Variants in ADCYAP1R1 observed in about 807,000 individuals in gnomAD.
ADCYAP1R1 encodes ADCYAP receptor type I.
In ADCYAP1R1, 44 loss-of-function variants were observed where a neutral mutation model predicts 67.6. The observed-to-expected ratio is 0.65, with a 90% CI of 0.51 to 0.84. ADCYAP1R1 has a LOEUF of 0.84. Ranked by LOEUF, ADCYAP1R1 falls within the 40% of genes least tolerant of loss-of-function variation. ADCYAP1R1 has a pLI of 0.00. For missense variants in ADCYAP1R1, 477 were observed against 587.9 expected, an observed-to-expected ratio of 0.81 and a Z score of 1.95; for synonymous variants, 222 against 219.6, an observed-to-expected ratio of 1.01 and a Z score of -0.10.
At chr7:31,064,519 C>G (rs907096383) in intron 2 of ADCYAP1R1, among the ~76,000 whole-genome samples, 5 of 152,212 alleles carry the variant, frequency 3.3e-5, no homozygotes, top group African/African-American at 1.2e-4. Flanking sequence ...ACATATGACA[C>G]TCAGAATAAT....
intron 4 of ADCYAP1R1, among the ~76,000 whole-genome samples, chr7:31,078,956 A>G (rs959026493): frequency 6.6e-6 from 1 of 152,152 alleles, no homozygotes; most frequent in African/African-American, 2.4e-5. Context: ...GAGGTCTCTG[A>G]GGGCCACTGA....
Position 31,104,925 on chromosome 7 carries a change from T to G in ADCYAP1R1, c.1218+16T>G. 1 of 1,614,058 alleles carries G rather than the reference T, an allele frequency of 6.2e-7. No homozygotes were observed. The highest frequency in any genetic ancestry group is 8.5e-7 in the Non-Finnish European group (1 of 1,179,910). On this transcript the variant is annotated intron_variant, in intron 15 of 15. Coordinates refer to ENST00000304166, the MANE Select transcript of ADCYAP1R1 (RefSeq NM_001118.5). Reference sequence around the variant, plus strand: ...GAATGGTGAGGTAAGACCTTGGCCCTCTGGCTTCTTGGCAGTGGAAGTGGG... The same window carrying G: ...GAATGGTGAGGTAAGACCTTGGCCCGCTGGCTTCTTGGCAGTGGAAGTGGG...
At chr7:31,065,008 T>C (rs1645409230) in intron 3 of ADCYAP1R1, 72 bp downstream of exon 3, 5 of 1,212,252 alleles carry the variant, frequency 4.1e-6, no homozygotes, top group Middle Eastern at 2.4e-4. Flanking sequence ...GTGCTCAGGC[T>C]CGGCCAGTGA....
At chr7:31,085,533 A>G in intron 9 of ADCYAP1R1, 91 bp downstream of exon 9, 2 of 1,427,030 alleles carry the variant, frequency 1.4e-6, no homozygotes, top group African/African-American at 2.8e-5. Context: ...CCTGCCTGAC[A>G]CCCTGCAGAT....
At chr7:31,083,175 G>C (rs539939224) in intron 6 of ADCYAP1R1, among the ~76,000 whole-genome samples, 1 of 152,244 alleles carries the variant, frequency 6.6e-6, no homozygotes, top group Non-Finnish European at 1.5e-5. Context: ...CTGATAGACC[G>C]GGTACGCTCC....
chr7:31,057,750 C>T (rs1461658812), intron 1 of ADCYAP1R1, among the ~76,000 whole-genome samples: 1 of 152,202 alleles, frequency 6.6e-6, no homozygotes, highest in East Asian at 1.9e-4. Flanking sequence ...TTTCAGCCTT[C>T]TGTCCCTTGT....
At chr7:31,088,013 G>T (rs1795824572) in intron 12 of ADCYAP1R1, among the ~76,000 whole-genome samples, 1 of 152,208 alleles carries the variant, frequency 6.6e-6, no homozygotes, top group Non-Finnish European at 1.5e-5. Context: ...TAAAATTTCA[G>T]ATCCCAAATT....
intron 3 of ADCYAP1R1, among the ~76,000 whole-genome samples, chr7:31,068,795 C>T (rs1212046722): frequency 6.6e-6 from 1 of 152,132 alleles, no homozygotes; most frequent in Non-Finnish European, 1.5e-5. Context: ...TTGGGGGACT[C>T]CCCTCAAGGG....
intron 1 of ADCYAP1R1, among the ~76,000 whole-genome samples, chr7:31,054,550 T>C (rs978995124): frequency 5.9e-5 from 9 of 152,188 alleles, no homozygotes; most frequent in African/African-American, 1.9e-4. Flanking sequence ...TGGGAGTTTA[T>C]AGTATATGTG....
intron 1 of ADCYAP1R1, among the ~76,000 whole-genome samples, chr7:31,060,869 A>G (rs1470591864): frequency 2.6e-5 from 4 of 152,210 alleles, no homozygotes; most frequent in Non-Finnish European, 5.9e-5. Flanking sequence ...AGGTTAAAAT[A>G]GAGGCTTTAT....
intron 9 of ADCYAP1R1, 109 bp downstream of exon 9, chr7:31,085,551 G>A: frequency 7.7e-7 from 1 of 1,293,380 alleles, no homozygotes; most frequent in East Asian, 2.5e-5. Context: ...GATCAAGTGT[G>A]TCCCTGCAGG....
rs1031525052 is a variant in ADCYAP1R1 at position 31,107,889 on chromosome 7, C to T, written c.*1205C>T. ...GGGTGTCGGGAGAAGCCACACCCAA[C>T]ATGCCCATTAGCAGAGGCTGCTGCT... On this transcript the variant is annotated 3_prime_UTR_variant, in exon 16 of 16. Transcript: ENST00000304166. 1 of 152,280 alleles carries T rather than the reference C, an allele frequency of 6.6e-6. No homozygotes were observed. Among genetic ancestry groups the T allele is most frequent in the African/African-American group, 2.4e-5 (1 of 41,466 alleles). 9.4% of individuals were successfully genotyped at this position (152,280 alleles called of 1,614,324 possible). A position where few individuals can be genotyped will look rare whatever the true frequency, so the allele number is the denominator to read the frequency against.
chr7:31,097,260 C>T (rs1178353442), intron 13 of ADCYAP1R1, among the ~76,000 whole-genome samples: 1 of 152,218 alleles, frequency 6.6e-6, no homozygotes, highest in South Asian at 2.1e-4. Flanking sequence ...CTTGCCTGAG[C>T]TTTTAGTCTC....
At chr7:31,075,074 C>T (rs1326223023) in intron 3 of ADCYAP1R1, among the ~76,000 whole-genome samples, 1 of 152,196 alleles carries the variant, frequency 6.6e-6, no homozygotes, top group Admixed American at 6.5e-5. Flanking sequence ...GGCGCCTGCT[C>T]CAGGCCCCTC....
rs1248372713 is a variant in ADCYAP1R1, at chr7:31,102,627, C to T, written c.1047-610C>T. ...TGACTCAGTTTCCCAGCAGGAGGTT[C>T]CTCCTGCCCAGTTGGAGATTGCCGA... On this transcript the variant is annotated intron_variant, in intron 13 of 15. Transcript: ENST00000304166. The surrounding 1 kb of genome is among the most constrained non-coding windows in gnomAD (Gnocchi z 4.3). 6.6e-6 allele frequency among the ~76,000 whole-genome samples: 1 copy of T among 152,192 alleles called. No individual in the cohort carries two copies. The highest frequency in any genetic ancestry group is 1.5e-5 in the Non-Finnish European group (1 of 68,038).
chr7:31,103,974 G>T (rs996235756), intron 14 of ADCYAP1R1, among the ~76,000 whole-genome samples: 1 of 152,216 alleles, frequency 6.6e-6, no homozygotes, highest in South Asian at 2.1e-4. Flanking sequence ...AGTGTCTGGG[G>T]ATAGAGCGCC....
At chr7:31,100,514 T>C (rs1231904498) in intron 13 of ADCYAP1R1, among the ~76,000 whole-genome samples, 1 of 152,186 alleles carries the variant, frequency 6.6e-6, no homozygotes. Flanking sequence ...CCCCAACTTC[T>C]CTGAGCTTCA....
chr7:31,105,029 C>T (rs1042970215), intron 15 of ADCYAP1R1, 120 bp downstream of exon 15: 5 of 1,058,228 alleles, frequency 4.7e-6, no homozygotes, highest in Non-Finnish European at 7.3e-6. Context: ...GCCAGGCTCC[C>T]AGCACTGAGA....
intron 1 of ADCYAP1R1, among the ~76,000 whole-genome samples, chr7:31,060,485 A>G (rs1794453809): frequency 6.6e-6 from 1 of 150,974 alleles, no homozygotes; most frequent in African/African-American, 2.5e-5. Flanking sequence ...GTGTCTGTGA[A>G]GGAGTGTGTG....
Sources: allele counts gnomAD v4.1 joint callset (sites outside exome capture counted in the v4.1 genomes callset), GRCh38; gene constraint gnomAD v4.1.1; non-coding constraint Gnocchi (gnomAD v3.1); transcripts MANE v1.5; gene names NCBI Gene and HGNC (gene_info 2026-07-23, HGNC 2026-07-21).